LMX1A: variants seen among roughly 807,000 people sequenced by gnomAD.
The protein encoded by LMX1A is LIM homeobox transcription factor 1 alpha, also known as LIM homeobox transcription factor 1-alpha.
Under a neutral mutation model 49.1 loss-of-function variants are expected in LMX1A, and 15 were observed. The ratio of observed to expected loss-of-function variants is 0.31; its 90% CI spans 0.20 to 0.47. The LOEUF (loss-of-function observed/expected upper bound fraction) is 0.47, where lower values mean the gene tolerates loss of function less well. LMX1A is among the 20% of genes least tolerant of loss of function. The pLI is 1.00. For synonymous variants in LMX1A, 167 were observed against 185.7 expected, an observed-to-expected ratio of 0.90 and a Z score of 0.82; for missense variants, 372 against 475.8, an observed-to-expected ratio of 0.78 and a Z score of 2.03.
In LMX1A at chr1:165,213,738, T is replaced by A. The variant is rs1304061404; in HGVS notation, c.572A>T (p.Asp191Val). The A allele has an allele frequency of 1.2e-6, 2 of 1,614,186 alleles. No individual in the cohort carries two copies. Among genetic ancestry groups the A allele is most frequent in the Non-Finnish European group, 1.7e-6 (2 of 1,180,024 alleles). The change falls in exon 5 of 9, where the codon GAC (aspartate) becomes GTC (valine). Residue 191 changes from aspartate (D) to valine (V), a missense_variant. By Grantham distance (152) the Asp-to-Val change is radical. Around this residue, in one of 3 missense-constraint regions of LMX1A, gnomAD observed 199 missense variants for 244.0 expected, o/e 0.82. Coordinates refer to ENST00000342310, the MANE Select transcript of LMX1A (RefSeq NM_177398.4). ...TCTCGGACGTTTGGGGCGCTTATGG[T>A]CCTTGCCTTCCTCAGCAGTTCCTTT... ...AGKGTAEEGK[D>V]HKRPKRPRTI...
intron 3 of LMX1A, among the ~76,000 whole-genome samples, chr1:165,349,258 T>C (rs1213004350): frequency 6.6e-6 from 1 of 152,236 alleles, no homozygotes; most frequent in Non-Finnish European, 1.5e-5. Flanking sequence ...CAGACTGAAG[T>C]CCAACTGCAG....
chr1:165,273,756 A>G (rs1324448301), intron 3 of LMX1A, among the ~76,000 whole-genome samples: 1 of 152,218 alleles, frequency 6.6e-6, no homozygotes, highest in East Asian at 1.9e-4. Context: ...TGGAGGTGCA[A>G]AGCATTTACA....
intron 4 of LMX1A, among the ~76,000 whole-genome samples, chr1:165,227,458 C>T (rs1433898531): frequency 6.6e-6 from 1 of 152,130 alleles, no homozygotes; most frequent in Non-Finnish European, 1.5e-5. Flanking sequence ...AGAGAATCAC[C>T]TGAACCCAGG....
intron 3 of LMX1A, among the ~76,000 whole-genome samples, chr1:165,325,420 A>T (rs1308907546): frequency 6.6e-6 from 1 of 150,604 alleles, no homozygotes; most frequent in Non-Finnish European, 1.5e-5. Context: ...AATTTAGATC[A>T]CTATTTAAAA....
At chr1:165,286,090 G>A (rs1233334167) in intron 3 of LMX1A, among the ~76,000 whole-genome samples, 2 of 152,176 alleles carry the variant, frequency 1.3e-5, no homozygotes, top group African/African-American at 2.4e-5. Flanking sequence ...GAGTCCAGGG[G>A]CCTGGGTTGA....
At chr1:165,272,237 C>CCTG (rs1282522033) in intron 3 of LMX1A, among the ~76,000 whole-genome samples, 1 of 152,144 alleles carries the variant, frequency 6.6e-6, no homozygotes, top group Non-Finnish European at 1.5e-5. Context: ...GGATGCATTC[C>CCTG]CTGCCAAATC....
chr1:165,330,743 T>C (rs143747417), intron 3 of LMX1A, among the ~76,000 whole-genome samples: 194 of 152,324 alleles, frequency 1.3e-3, no homozygotes, highest in African/African-American at 4.5e-3. Context: ...ATAGTCTTAC[T>C]GACTAGAACA....
At chr1:165,228,567 C>A (rs1652125412) in intron 4 of LMX1A, among the ~76,000 whole-genome samples, 1 of 152,184 alleles carries the variant, frequency 6.6e-6, no homozygotes, top group African/African-American at 2.4e-5. Context: ...CCTTCACTTG[C>A]CAGGTAAGCA....
chr1:165,351,127 CA>C (rs1297549186), intron 3 of LMX1A, among the ~76,000 whole-genome samples: 3 of 152,178 alleles, frequency 2.0e-5, no homozygotes, highest in Non-Finnish European at 4.4e-5. Flanking sequence ...TTTGACTGGC[CA>C]GACAGCTGTG....
Position 165,355,478 on chromosome 1 carries a change from ACT to A in LMX1A, c.76+4_76+5del. ...TGCGCCCAGGACGCACGGCCTGAAC[ACT>A]CACCCAGCAGCGAGGAGAAGGAGGC... is the stretch of plus-strand genomic sequence containing the variant. On this transcript the variant is annotated splice_donor_5th_base_variant and intron_variant, in intron 2 of 8. Transcript: ENST00000342310. The surrounding 1 kb of genome is among the most constrained non-coding windows in gnomAD (Gnocchi z 4.7). 1 of 1,613,618 alleles carries A rather than the reference ACT, an allele frequency of 6.2e-7. No individual in the cohort carries two copies. Among genetic ancestry groups the A allele is most frequent in the Non-Finnish European group, 8.5e-7 (1 of 1,179,830 alleles).
Position 165,355,624 on chromosome 1 carries a change from T to C in LMX1A, c.-22-43A>G. ...CGATGCGTCTGACGTCCGTGCCCGC[T>C]GGGACTCGGCGCCAGCAGCCACCGC... On this transcript the variant is annotated intron_variant, in intron 1 of 8. Transcript: ENST00000342310. This position sits in a 1 kb window ranked among gnomAD's most constrained non-coding sequence, Gnocchi z 4.7. 1 of 1,497,100 alleles carries C rather than the reference T, an allele frequency of 6.7e-7. No homozygotes were observed. The highest frequency in any genetic ancestry group is 9.2e-7 in the Non-Finnish European group (1 of 1,085,124). The allele number at this position is 1,497,100 out of a possible 1,614,324, so 92.7% of individuals were successfully genotyped here.
intron 3 of LMX1A, among the ~76,000 whole-genome samples, chr1:165,266,561 C>T (rs1456410551): frequency 1.4e-5 from 2 of 146,440 alleles, no homozygotes; most frequent in African/African-American, 5.1e-5. Context: ...AAGCAACATG[C>T]TGGATGAACT....
chr1:165,216,386 A>T (rs1372245511), intron 4 of LMX1A, among the ~76,000 whole-genome samples: 1 of 152,168 alleles, frequency 6.6e-6, no homozygotes, highest in African/African-American at 2.4e-5. Context: ...GAGGCCAGCA[A>T]TTCTCTCTGG....
chr1:165,343,461 T>G (rs2101764826), intron 3 of LMX1A, among the ~76,000 whole-genome samples: 1 of 152,116 alleles, frequency 6.6e-6, no homozygotes, highest in East Asian at 1.9e-4. Context: ...TACTCTACAC[T>G]TTACCAAAAG....
chr1:165,355,584 G>A lies in LMX1A; in HGVS notation c.-22-3C>T, dbSNP rs1459354562. 1.9e-6 allele frequency: 3 copies of A among 1,610,246 alleles called. No individual in the cohort carries two copies. The African/African-American group carries it at 4.0e-5, about 22-fold the overall frequency. ...TGTTCGGGCCGGGCCGGGAGGACCT[G>A]TAGAGGAGAAGAAACGATGCGTCTG... On this transcript the variant is annotated splice_region_variant and splice_polypyrimidine_tract_variant and intron_variant, in intron 1 of 8. Transcript: ENST00000342310. The surrounding 1 kb of genome is among the most constrained non-coding windows in gnomAD (Gnocchi z 4.7).
intron 3 of LMX1A, among the ~76,000 whole-genome samples, chr1:165,339,969 G>T (rs12061694): frequency 0.022 from 3,409 of 152,074 alleles, 131 homozygotes; most frequent in African/African-American, 0.077. Context: ...TGGTATCTTT[G>T]CCCCCCATCT....
chr1:165,235,575 G>C (rs569086159), intron 4 of LMX1A, among the ~76,000 whole-genome samples: 4 of 152,216 alleles, frequency 2.6e-5, no homozygotes, highest in African/African-American at 7.2e-5. Flanking sequence ...GGGGAGCGCA[G>C]GGTGGGCCCT....
chr1:165,308,145 A>G (rs1023806194), intron 3 of LMX1A, among the ~76,000 whole-genome samples: 1 of 152,350 alleles, frequency 6.6e-6, no homozygotes, highest in Middle Eastern at 3.4e-3. Context: ...CAAGACTGAA[A>G]GAGATACACT....
chr1:165,284,091 C>T (rs576040589), intron 3 of LMX1A, among the ~76,000 whole-genome samples: 2 of 152,332 alleles, frequency 1.3e-5, no homozygotes, highest in East Asian at 1.9e-4. Context: ...ACATAAATGT[C>T]CAGGGCTCGG....
Sources: gnomAD v4.1 joint callset for allele counts (sites outside exome capture counted in the v4.1 genomes callset) on GRCh38, gnomAD v4.1.1 for gene constraint, gnomAD v4.1.1 regional missense constraint, Gnocchi (gnomAD v3.1) non-coding constraint, MANE v1.5 for transcripts, NCBI Gene and HGNC (gene_info 2026-07-23, HGNC 2026-07-21) for gene names.